TEX14: variants seen among roughly 807,000 people sequenced by gnomAD.
TEX14 encodes inactive serine/threonine-protein kinase TEX14.
In TEX14, 168 loss-of-function variants were observed where a neutral mutation model predicts 178.6. The ratio of observed to expected loss-of-function variants is 0.94; its 90% CI spans 0.83 to 1.07. TEX14 has a LOEUF of 1.07. TEX14 is among the 50% of genes least tolerant of loss of function. The probability of loss-of-function intolerance (pLI) is 0.00; values close to 1 mark genes in which losing one functional copy is unlikely to be tolerated. For synonymous variants in TEX14, 626 were observed against 634.1 expected, an observed-to-expected ratio of 0.99 and a Z score of 0.19; for missense variants, 1,730 against 1,753.6, an observed-to-expected ratio of 0.99 and a Z score of 0.24.
At chr17:58,662,974 G>A (rs1220988970) in intron 1 of TEX14, among the ~76,000 whole-genome samples, 2 of 152,002 alleles carry the variant, frequency 1.3e-5, no homozygotes, top group Non-Finnish European at 2.9e-5. Context: ...CGGGCGTGGT[G>A]GTGGGCACCT....
chr17:58,647,167 T>A (rs1346843079), intron 2 of TEX14, among the ~76,000 whole-genome samples: 1 of 151,598 alleles, frequency 6.6e-6, no homozygotes. Context: ...CCCAAAGTGC[T>A]GGGATTACAG....
intron 1 of TEX14, among the ~76,000 whole-genome samples, chr17:58,659,639 G>T (rs142136185): frequency 1.3e-5 from 2 of 152,198 alleles, no homozygotes; most frequent in Non-Finnish European, 2.9e-5. Context: ...TGTGTGATAA[G>T]AAATTTTTTT....
chr17:58,595,971 T>C (rs936355744), intron 14 of TEX14, among the ~76,000 whole-genome samples: 4 of 152,112 alleles, frequency 2.6e-5, no homozygotes, highest in African/African-American at 7.2e-5. Flanking sequence ...GATCACAAGG[T>C]CAGGAGTTTG....
At chr17:58,632,929 C>A (rs1318863458) in intron 2 of TEX14, among the ~76,000 whole-genome samples, 1 of 152,120 alleles carries the variant, frequency 6.6e-6, no homozygotes, top group Non-Finnish European at 1.5e-5. Flanking sequence ...TTGCAAGACC[C>A]CTATTAAAAG....
intron 2 of TEX14, chr17:58,647,885 A>T (rs969517748): frequency 1.3e-5 from 2 of 152,040 alleles, no homozygotes; most frequent in Non-Finnish European, 2.9e-5. Flanking sequence ...TTTAGTAGAG[A>T]CGCGGTTTCA....
intron 2 of TEX14, among the ~76,000 whole-genome samples, chr17:58,644,943 G>A (rs552699799): frequency 7.3e-5 from 11 of 151,006 alleles, no homozygotes; most frequent in African/African-American, 2.2e-4. Context: ...GAGCCACTGC[G>A]CCTAGCCTTG....
At chr17:58,660,660 G>C (rs1484203756) in intron 1 of TEX14, 6 of 784,476 alleles carry the variant, frequency 7.6e-6, no homozygotes, top group Non-Finnish European at 1.4e-5. Context: ...TGGAGTGTTT[G>C]TTCATCATCC....
At chr17:58,672,474 C>A (rs942623763) in intron 1 of TEX14, among the ~76,000 whole-genome samples, 4 of 152,238 alleles carry the variant, frequency 2.6e-5, no homozygotes, top group Non-Finnish European at 4.4e-5. Context: ...CGCTCTATCA[C>A]CCAGGCTGCA....
chr17:58,631,722 A>T (rs951512938), intron 2 of TEX14: 1 of 148,188 alleles, frequency 6.7e-6, no homozygotes, highest in Non-Finnish European at 1.5e-5. Context: ...AAACACTGCT[A>T]TCCCACTCGT....
intron 15 of TEX14, among the ~76,000 whole-genome samples, chr17:58,592,869 T>A (rs1269731462): frequency 1.3e-5 from 2 of 152,120 alleles, no homozygotes; most frequent in Non-Finnish European, 2.9e-5. Context: ...AAACTCAGCA[T>A]GTGTGTGTGT....
chr17:58,558,543 TA>T (rs2044201486), intron 30 of TEX14, among the ~76,000 whole-genome samples: 1 of 151,990 alleles, frequency 6.6e-6, no homozygotes, highest in Admixed American at 6.6e-5. Flanking sequence ...TGCAGTCCAC[TA>T]GGGTCAGCAT....
At position 58,602,460 on chromosome 17, in the gene TEX14, C is replaced by T. The variant is rs1164388860; in HGVS notation, c.1467G>A (p.Lys489=). The change falls in exon 12 of 32, where the codon AAG becomes AAA. Residue 489 remains lysine (K), a synonymous_variant. Transcript: ENST00000349033. ...YDIVKSGIHV[K]QKDRTMNLQD... is the part of the protein sequence containing the mutation. ...GAAGGTTCATAGTTCGGTCTTTCTGCTTGACGTGGATGCCTGACTTAACAA... is the reference window on the plus strand; with the variant it reads ...GAAGGTTCATAGTTCGGTCTTTCTGTTTGACGTGGATGCCTGACTTAACAA... The T allele has an allele frequency of 6.2e-7, 1 of 1,614,010 alleles. No individual in the cohort carries two copies. The highest frequency in any genetic ancestry group is 2.2e-5 in the East Asian group (1 of 44,860).
chr17:58,661,032 G>A (rs543910181), intron 1 of TEX14: 1 of 1,134,956 alleles, frequency 8.8e-7, no homozygotes, highest in Non-Finnish European at 1.3e-6. Flanking sequence ...TCACGAACAC[G>A]CTCATTATCT....
At chr17:58,647,727 C>T (rs145517049) in intron 2 of TEX14, among the ~76,000 whole-genome samples, 1,701 of 151,856 alleles carry the variant, frequency 0.011, 37 homozygotes, top group African/African-American at 0.039. Context: ...CAGAGTCTTC[C>T]TCTGTCGCCC....
rs2047699929 is a variant in TEX14, at chr17:58,690,981, G to A, written c.-2+958C>T. 2.0e-5 allele frequency among the ~76,000 whole-genome samples: 3 copies of A among 152,120 alleles called. No homozygotes were observed. The South Asian group carries it at 6.2e-4, about 32-fold the overall frequency. On this transcript the variant is annotated intron_variant, in intron 1 of 31. Transcript: ENST00000349033. ...GGATCCTCCCACCACAGACTTCTGA[G>A]TAGCTGGGACGACCGGTGCATGCCA... is the stretch of plus-strand genomic sequence containing the variant.
At chr17:58,602,332 T>C in intron 12 of TEX14, 68 bp downstream of exon 12, 2 of 1,439,334 alleles carry the variant, frequency 1.4e-6, no homozygotes, top group East Asian at 4.6e-5. Flanking sequence ...AGCTTCATCT[T>C]GTCTCTAACT....
intron 3 of TEX14, among the ~76,000 whole-genome samples, chr17:58,628,709 C>T (rs2046208769): frequency 1.3e-5 from 2 of 148,988 alleles, no homozygotes; most frequent in African/African-American, 5.0e-5. Flanking sequence ...GAGACTCTGT[C>T]TCAAAAAAAA....
Position 58,584,620 on chromosome 17 carries a change from C to T in TEX14, c.3071-20G>A. 1.9e-6 allele frequency: 3 copies of T among 1,581,332 alleles called. No homozygotes were observed. The highest frequency in any genetic ancestry group is 1.7e-6 in the Non-Finnish European group (2 of 1,150,166). On this transcript the variant is annotated intron_variant, in intron 18 of 31. Transcript: ENST00000349033. ...TGATACCTAATGATTGTAACACAGT[C>T]AGGGTCAAAGTCATTCAGTGATATT...
At chr17:58,591,688 G>C (rs8072873) in intron 15 of TEX14, among the ~76,000 whole-genome samples, 33,810 of 148,738 alleles carry the variant, frequency 0.23, 4,168 homozygotes, top group South Asian at 0.33. Flanking sequence ...CAAAGTTGTG[G>C]ATTAGTGCTA....
Sources: allele counts gnomAD v4.1 joint callset (sites outside exome capture counted in the v4.1 genomes callset), GRCh38; gene constraint gnomAD v4.1.1; transcripts MANE v1.5; gene names NCBI Gene and HGNC (gene_info 2026-07-23, HGNC 2026-07-21).